KIAA1217: variants seen among roughly 807,000 people sequenced by gnomAD.
KIAA1217 encodes sickle tail protein homolog.
KIAA1217 carries 88 observed loss-of-function variants against 163.9 expected under a neutral mutation model. The ratio of observed to expected loss-of-function variants is 0.54; its 90% CI spans 0.45 to 0.64. KIAA1217 has a LOEUF of 0.64. Ranked by LOEUF, KIAA1217 falls within the 30% of genes least tolerant of loss-of-function variation. The pLI is 0.00. For synonymous variants in KIAA1217, 903 were observed against 923.1 expected, an observed-to-expected ratio of 0.98 and a Z score of 0.39; for missense variants, 2,372 against 2,475.0, an observed-to-expected ratio of 0.96 and a Z score of 0.88.
At chr10:24,463,932 A>C (rs2062684689) in intron 5 of KIAA1217, among the ~76,000 whole-genome samples, 1 of 152,214 alleles carries the variant, frequency 6.6e-6, no homozygotes, top group Non-Finnish European at 1.5e-5. Context: ...AAGGTAGAGA[A>C]GGCAGAGAAG....
chr10:24,114,654 C>T (rs1183691995), intron 2 of KIAA1217, among the ~76,000 whole-genome samples: 2 of 152,228 alleles, frequency 1.3e-5, no homozygotes, highest in South Asian at 2.1e-4. Flanking sequence ...AACATTCTCA[C>T]TCAGTCCCAT....
chr10:24,465,541 GC>G (rs1278624492), intron 5 of KIAA1217, among the ~76,000 whole-genome samples: 4 of 152,218 alleles, frequency 2.6e-5, no homozygotes, highest in Non-Finnish European at 4.4e-5. Context: ...GGGGCTTCCA[GC>G]CCAGTGAGTG....
At chr10:24,171,066 A>C (rs2065605793) in intron 2 of KIAA1217, among the ~76,000 whole-genome samples, 1 of 152,246 alleles carries the variant, frequency 6.6e-6, no homozygotes, top group South Asian at 2.1e-4. Flanking sequence ...CTAAAAGCTT[A>C]GATTGGTAGC....
intron 1 of KIAA1217, among the ~76,000 whole-genome samples, chr10:23,907,658 C>G (rs914912975): frequency 6.6e-6 from 1 of 152,074 alleles, no homozygotes; most frequent in African/African-American, 2.4e-5. Context: ...TTTGGGCCCT[C>G]CACGGGTTGG....
At chr10:24,207,282 T>TCTCTGTCACACACACACACA (rs529791287), upstream of KIAA1217, among the ~76,000 whole-genome samples, 2 of 140,166 alleles carry the variant, frequency 1.4e-5, no homozygotes, top group African/African-American at 5.8e-5. Context: ...TCTCTCTCTC[T>TCTCTGTCACACACACACACA]CACACACACA....
At chr10:24,274,878 C>T (rs1309808132) in intron 2 of KIAA1217, among the ~76,000 whole-genome samples, 1 of 152,120 alleles carries the variant, frequency 6.6e-6, no homozygotes, top group Non-Finnish European at 1.5e-5. Context: ...TACTTCCACA[C>T]CATACTTAAG....
At chr10:24,012,533 G>A (rs1052287000) in intron 2 of KIAA1217, among the ~76,000 whole-genome samples, 8 of 152,166 alleles carry the variant, frequency 5.3e-5, no homozygotes, top group Admixed American at 5.2e-4. Flanking sequence ...TAGGGTGTCT[G>A]ATTATAAGAT....
At chr10:24,093,461 C>A (rs2062019930) in intron 2 of KIAA1217, among the ~76,000 whole-genome samples, 1 of 151,134 alleles carries the variant, frequency 6.6e-6, no homozygotes, top group Non-Finnish European at 1.5e-5. Flanking sequence ...TGTGAGCCAC[C>A]ACTCTCGGCT....
intron 3 of KIAA1217, among the ~76,000 whole-genome samples, chr10:24,400,650 A>C (rs1399820496): frequency 6.6e-6 from 1 of 152,214 alleles, no homozygotes; most frequent in Non-Finnish European, 1.5e-5. Context: ...AAGCCTATAC[A>C]TTAACCTAAA....
intron 2 of KIAA1217, among the ~76,000 whole-genome samples, chr10:24,293,979 G>A (rs1382733226): frequency 6.6e-6 from 1 of 152,054 alleles, no homozygotes; most frequent in Non-Finnish European, 1.5e-5. Context: ...GGATCACGAG[G>A]TCAGGAGATG....
At position 24,432,955 on chromosome 10, in the gene KIAA1217, G is replaced by A. The variant is rs377327153; in HGVS notation, c.554-40G>A. 5 of 1,562,282 alleles carry A rather than the reference G, an allele frequency of 3.2e-6. No homozygotes were observed. The Admixed American group carries it at 6.7e-5, about 21-fold the overall frequency. On this transcript the variant is annotated intron_variant, in intron 3 of 20. Transcript: ENST00000376454. Reference sequence around the variant, plus strand: ...TCAGCTTGTGCTGTGTGTCCCCTGAGTCTTGACCTGTGACTAATAACTGTT... The same window carrying A: ...TCAGCTTGTGCTGTGTGTCCCCTGAATCTTGACCTGTGACTAATAACTGTT...
chr10:23,741,505 T>G (rs938465225), intron 1 of KIAA1217, among the ~76,000 whole-genome samples: 1 of 152,216 alleles, frequency 6.6e-6, no homozygotes, highest in African/African-American at 2.4e-5. Context: ...AGACTACAAG[T>G]AGTTCATTGA....
chr10:23,959,976 T>C (rs111885080), intron 1 of KIAA1217, among the ~76,000 whole-genome samples: 3 of 145,622 alleles, frequency 2.1e-5, no homozygotes, highest in African/African-American at 7.7e-5. Context: ...AGCGCAGTGG[T>C]GCCATCTCAG....
intron 2 of KIAA1217, among the ~76,000 whole-genome samples, chr10:24,116,503 T>C (rs1005903610): frequency 3.3e-5 from 5 of 152,164 alleles, no homozygotes; most frequent in African/African-American, 9.6e-5. Context: ...ATATTTGCTA[T>C]CTGTTCCTTT....
rs973915214 is a variant in KIAA1217 at position 24,258,653 on chromosome 10, C to T, written c.354+38744C>T. Among the ~76,000 whole-genome samples, 3 of 150,536 alleles carry T rather than the reference C, an allele frequency of 2.0e-5. No homozygotes were observed. In the East Asian group the frequency reaches 5.9e-4, roughly 30 times the overall value. On this transcript the variant is annotated intron_variant, in intron 2 of 20. Coordinates refer to ENST00000376454, the MANE Select transcript of KIAA1217 (RefSeq NM_019590.5). ...TGTCACCCAGGCTGGAGTGCAGTGG[C>T]GCGATCTCGGCTCATTGCAAGCTCC...
chr10:24,131,028 G>T (rs1428511533), intron 2 of KIAA1217, among the ~76,000 whole-genome samples: 1 of 152,142 alleles, frequency 6.6e-6, no homozygotes, highest in Non-Finnish European at 1.5e-5. Context: ...CATATCTTTA[G>T]ATTACTACAT....
At chr10:23,792,123 A>G (rs1048331826) in intron 1 of KIAA1217, among the ~76,000 whole-genome samples, 2 of 152,216 alleles carry the variant, frequency 1.3e-5, no homozygotes, top group African/African-American at 4.8e-5. Context: ...TCATTTTATG[A>G]TATGTTTTAT....
At chr10:24,412,281 A>C (rs987924811) in intron 3 of KIAA1217, among the ~76,000 whole-genome samples, 1 of 152,136 alleles carries the variant, frequency 6.6e-6, no homozygotes. Flanking sequence ...AGTCTTCAGC[A>C]ATCATTTGGG....
intron 10 of KIAA1217, among the ~76,000 whole-genome samples, chr10:24,516,939 C>T (rs1242785366): frequency 1.3e-5 from 2 of 152,064 alleles, no homozygotes; most frequent in Admixed American, 6.5e-5. Flanking sequence ...GTGGGAAGAT[C>T]GCTTGAGCCC....
Sources: gnomAD v4.1 joint callset for allele counts (sites outside exome capture counted in the v4.1 genomes callset) on GRCh38, gnomAD v4.1.1 for gene constraint, MANE v1.5 for transcripts, NCBI Gene and HGNC (gene_info 2026-07-23, HGNC 2026-07-21) for gene names.